STON2: variants seen among roughly 807,000 people sequenced by gnomAD.
STON2 encodes the protein stonin-2.
STON2 carries 29 observed loss-of-function variants against 65.7 expected under a neutral mutation model. The observed-to-expected ratio is 0.44, with a 90% CI of 0.33 to 0.60. The LOEUF is 0.60. Among genes scored for constraint, STON2 ranks in the 20% least tolerant of loss-of-function variants. The probability of loss-of-function intolerance (pLI) is 0.03; values close to 1 mark genes in which losing one functional copy is unlikely to be tolerated. For synonymous variants in STON2, 404 were observed against 414.2 expected, an observed-to-expected ratio of 0.98 and a Z score of 0.30; for missense variants, 1,054 against 1,118.1, an observed-to-expected ratio of 0.94 and a Z score of 0.82.
At position 81,398,513 on chromosome 14, in the gene STON2, C is replaced by T. The variant is rs189970447; in HGVS notation, c.-131G>A. 9.0e-4 allele frequency: 563 copies of T among 624,692 alleles called. 1 individual carries two copies. Among genetic ancestry groups the T allele is most frequent in the Non-Finnish European group, 1.4e-3 (486 of 351,036 alleles). The allele number at this position is 624,692 out of a possible 1,614,324, so 38.7% of individuals were successfully genotyped here. A position where few individuals can be genotyped will look rare whatever the true frequency, so the allele number is the denominator to read the frequency against. On this transcript the variant is annotated 5_prime_UTR_variant, in exon 2 of 8. Coordinates refer to ENST00000614646, the MANE Select transcript of STON2 (RefSeq NM_001394390.1). ...CCAGGGTCTGTTCTAGGTGTCTTGC[C>T]AAGGGCAGTACTCAGAATGTAGACA...
chr14:81,304,686 C>T (rs1896105541), intron 5 of STON2, among the ~76,000 whole-genome samples: 1 of 152,128 alleles, frequency 6.6e-6, no homozygotes, highest in Non-Finnish European at 1.5e-5. Context: ...CAAGATCGCG[C>T]CACTGCACTC....
chr14:81,317,346 C>T (rs1566905865), intron 5 of STON2, among the ~76,000 whole-genome samples: 1 of 152,184 alleles, frequency 6.6e-6, no homozygotes, highest in Non-Finnish European at 1.5e-5. Flanking sequence ...GATCACATTT[C>T]AACATGAGAA....
chr14:81,372,370 T>C (rs1348305532), intron 3 of STON2, among the ~76,000 whole-genome samples: 1 of 151,906 alleles, frequency 6.6e-6, no homozygotes, highest in Admixed American at 6.6e-5. Flanking sequence ...CCTGCCAATA[T>C]GGCAAAACCC....
At chr14:81,305,428 G>A (rs1484980628) in intron 5 of STON2, among the ~76,000 whole-genome samples, 1 of 152,196 alleles carries the variant, frequency 6.6e-6, no homozygotes, top group Non-Finnish European at 1.5e-5. Context: ...GTGTTATATT[G>A]TGGATTTTAC....
At chr14:81,283,143 T>C (rs1020835055) in intron 5 of STON2, among the ~76,000 whole-genome samples, 5 of 152,338 alleles carry the variant, frequency 3.3e-5, no homozygotes, top group African/African-American at 7.2e-5. Flanking sequence ...AAGAGGTTCC[T>C]AGTGTCTTTA....
chr14:81,342,150 T>C (rs1339125056), intron 4 of STON2, among the ~76,000 whole-genome samples: 2 of 152,132 alleles, frequency 1.3e-5, no homozygotes, highest in Non-Finnish European at 2.9e-5. Context: ...TTTTTTTGTT[T>C]TTTTTTTGAG....
intron 4 of STON2, among the ~76,000 whole-genome samples, chr14:81,369,287 C>T (rs1002108545): frequency 6.6e-6 from 1 of 152,122 alleles, no homozygotes; most frequent in Non-Finnish European, 1.5e-5. Context: ...CAAACTATGA[C>T]ACTGTTAGAA....
intron 7 of STON2, 61 bp from the exon 8 acceptor site, chr14:81,268,558 T>C: frequency 1.6e-6 from 2 of 1,285,498 alleles, no homozygotes; most frequent in African/African-American, 3.1e-5. Flanking sequence ...TGCAAATAAA[T>C]AAGTAAACCA....
intron 3 of STON2, among the ~76,000 whole-genome samples, chr14:81,393,427 AG>A (rs1252095215): frequency 6.6e-6 from 1 of 152,196 alleles, no homozygotes; most frequent in Admixed American, 6.5e-5. Context: ...CAGCAGCAGC[AG>A]GAAGAGTGAG....
intron 3 of STON2, among the ~76,000 whole-genome samples, chr14:81,385,317 T>G (rs1464150467): frequency 6.6e-6 from 1 of 152,216 alleles, no homozygotes; most frequent in Non-Finnish European, 1.5e-5. Flanking sequence ...TTCACCATCC[T>G]CCGTGGCATG....
chr14:81,265,306 C>A lies in STON2; in HGVS notation c.*3108G>T. 1 of 984,062 alleles carries A rather than the reference C, an allele frequency of 1.0e-6. No homozygotes were observed. Among genetic ancestry groups the A allele is most frequent in the South Asian group, 4.7e-5 (1 of 21,258 alleles). The allele number at this position is 984,062 out of a possible 1,614,324, so 61.0% of individuals were successfully genotyped here. A position where few individuals can be genotyped will look rare whatever the true frequency, so the allele number is the denominator to read the frequency against. ...CTACCCATAATCAGTTTCCTAAAAA[C>A]AGTAGAGGGAAAACAAATTTGATGA... On this transcript the variant is annotated 3_prime_UTR_variant, in exon 8 of 8. Coordinates refer to ENST00000614646, the MANE Select transcript of STON2 (RefSeq NM_001394390.1).
At chr14:81,382,018 G>A (rs190615716) in intron 3 of STON2, among the ~76,000 whole-genome samples, 1 of 152,078 alleles carries the variant, frequency 6.6e-6, no homozygotes, top group Non-Finnish European at 1.5e-5. Context: ...AGGAGTTTGC[G>A]ACCAGCCTGG....
At chr14:81,431,777 C>CAA (rs1206683311) in intron 1 of STON2, among the ~76,000 whole-genome samples, 7 of 108,582 alleles carry the variant, frequency 6.4e-5, no homozygotes, top group Admixed American at 1.0e-4. Context: ...AACTCTGTCT[C>CAA]AAAAAAAAAA....
intron 4 of STON2, among the ~76,000 whole-genome samples, chr14:81,332,378 C>T (rs1897244722): frequency 6.6e-6 from 1 of 152,190 alleles, no homozygotes; most frequent in Admixed American, 6.5e-5. Flanking sequence ...ATTTTATATG[C>T]ATCATAAAGC....
intron 5 of STON2, among the ~76,000 whole-genome samples, chr14:81,304,488 C>T (rs1896095478): frequency 6.6e-6 from 1 of 152,056 alleles, no homozygotes; most frequent in Non-Finnish European, 1.5e-5. Flanking sequence ...TTTGGGAGGC[C>T]GAGGCAGGTG....
At chr14:81,321,707 G>C (rs567285478) in intron 5 of STON2, among the ~76,000 whole-genome samples, 3 of 152,192 alleles carry the variant, frequency 2.0e-5, no homozygotes, top group Non-Finnish European at 4.4e-5. Context: ...TTTGCTTCAT[G>C]AAGAAACCCC....
At position 81,307,765 on chromosome 14, in the gene STON2, T is replaced by C. The variant is rs116839881; in HGVS notation, c.742+16252A>G. Among the ~76,000 whole-genome samples the C allele has an allele frequency of 5.5e-3, 835 of 152,346 alleles. 5 individuals are homozygous for C. The highest frequency in any genetic ancestry group is 0.019 in the African/African-American group (782 of 41,574). On this transcript the variant is annotated intron_variant, in intron 5 of 7. Coordinates refer to ENST00000614646, the MANE Select transcript of STON2 (RefSeq NM_001394390.1). ...AAATATATTTTCTCTTTCTTATGCT[T>C]TTCTTAATAACATTTTCTTTTCTCT...
At chr14:81,279,752 AG>A (rs1384383875) in intron 5 of STON2, among the ~76,000 whole-genome samples, 5 of 152,162 alleles carry the variant, frequency 3.3e-5, no homozygotes, top group Non-Finnish European at 7.3e-5. Flanking sequence ...GTGCTCAATG[AG>A]GGTAAAGGTG....
intron 4 of STON2, among the ~76,000 whole-genome samples, chr14:81,324,624 T>C (rs976069102): frequency 1.3e-5 from 2 of 152,256 alleles, no homozygotes; most frequent in Non-Finnish European, 2.9e-5. Flanking sequence ...GTTTCTGGAG[T>C]CACTTTTAGG....
Sources: gnomAD v4.1 joint callset for allele counts (sites outside exome capture counted in the v4.1 genomes callset) on GRCh38, gnomAD v4.1.1 for gene constraint, MANE v1.5 for transcripts, NCBI Gene and HGNC (gene_info 2026-07-23, HGNC 2026-07-21) for gene names.